Variants in FHIT observed in about 807,000 individuals in gnomAD.
FHIT encodes the protein fragile histidine triad diadenosine triphosphatase.
In FHIT, 19 loss-of-function variants were observed where a neutral mutation model predicts 17.9. The ratio of observed to expected loss-of-function variants is 1.06; its 90% confidence interval spans 0.74 to 1.56. The LOEUF (loss-of-function observed/expected upper bound fraction) is 1.56. Ranked by LOEUF, FHIT falls within the 40% of genes most tolerant of loss-of-function variation. The pLI, the probability that FHIT is intolerant of heterozygous loss-of-function variation, is 0.00. For synonymous variants in FHIT, 81 were observed against 69.7 expected (o/e 1.16, Z -0.81); for missense variants, 248 against 189.2 (o/e 1.31, Z -1.82).
intron 3 of FHIT, among the ~76,000 whole-genome samples, chr3:60,936,109 CT>C (rs1216780631): frequency 1.1e-4 from 17 of 152,138 alleles, no homozygotes; most frequent in African/African-American, 3.9e-4. Context: ...GTCAGGGTCC[CT>C]TGTCCAAACA....
chr3:60,884,298 G>A (rs9838678), intron 3 of FHIT, among the ~76,000 whole-genome samples: 36,143 of 151,996 alleles, frequency 0.24, 4,776 homozygotes, highest in African/African-American at 0.33. Flanking sequence ...TATGGAAAAC[G>A]GTATGGAGGT....
rs1410279342 is a variant in FHIT, at chr3:59,839,307, G to C, written c.348+83039C>G. On this transcript the variant is annotated intron_variant, in intron 8 of 9. Coordinates refer to ENST00000492590, the MANE Select transcript of FHIT (RefSeq NM_002012.4). ...CACTCCAACATGGGCAACAGAGCGA[G>C]ACTTCATTTTCAAAAAAAAAAAAAC... Among the ~76,000 whole-genome samples the C allele has an allele frequency of 1.1e-4, 13 of 118,646 alleles. No individual in the cohort carries two copies. In the Admixed American group the frequency reaches 1.3e-3, roughly 12 times the overall value. 77.8% of individuals were successfully genotyped at this position (118,646 alleles called of 152,430 possible).
At chr3:61,177,999 C>T (rs144079368) in intron 2 of FHIT, among the ~76,000 whole-genome samples, 109 of 152,180 alleles carry the variant, frequency 7.2e-4, no homozygotes, top group African/African-American at 2.6e-3. Context: ...TCCCATTGGT[C>T]TGGATGGTGT....
chr3:59,803,856 C>CA (rs1209666028), intron 8 of FHIT, among the ~76,000 whole-genome samples: 1 of 151,752 alleles, frequency 6.6e-6, no homozygotes, highest in African/African-American at 2.4e-5. Context: ...TAAAGAGGCA[C>CA]AAAAAACCCT....
intron 5 of FHIT, among the ~76,000 whole-genome samples, chr3:60,116,293 G>C (rs1234507903): frequency 1.3e-5 from 2 of 152,114 alleles, no homozygotes; most frequent in Non-Finnish European, 1.5e-5. Context: ...AGCCAGAAAG[G>C]CTTCCTGGAA....
intron 3 of FHIT, among the ~76,000 whole-genome samples, chr3:61,040,629 T>C (rs181836096): frequency 2.8e-4 from 43 of 152,346 alleles, no homozygotes; most frequent in Admixed American, 8.5e-4. Context: ...TGAAGGGATC[T>C]ACACAGAATG....
At chr3:60,077,737 G>T (rs9814126) in intron 5 of FHIT, among the ~76,000 whole-genome samples, 2,959 of 72,544 alleles carry the variant, frequency 0.041, 85 homozygotes, top group African/African-American at 0.13. Context: ...CACATATATA[G>T]AGGGGGGGGG....
rs1368186063 is a variant in FHIT, at chr3:60,860,555, AT to A, written c.-110-38545del. On this transcript the variant is annotated intron_variant, in intron 3 of 9. Coordinates refer to ENST00000492590, the MANE Select transcript of FHIT (RefSeq NM_002012.4). ...TATCAGGTATATATGATACATATGT[AT>A]CATATATCAGGTATATATGATACAT... Among the ~76,000 whole-genome samples the A allele has an allele frequency of 6.3e-3, 91 of 14,526 alleles. 1 individual carries two copies. The highest frequency in any genetic ancestry group is 0.013 in the Non-Finnish European group (37 of 2,762). 9.5% of individuals were successfully genotyped at this position (14,526 alleles called of 152,430 possible). A position where few individuals can be genotyped will look rare whatever the true frequency, so the allele number is the denominator to read the frequency against.
chr3:60,197,692 G>C (rs1702709258), intron 5 of FHIT, among the ~76,000 whole-genome samples: 1 of 152,142 alleles, frequency 6.6e-6, no homozygotes, highest in South Asian at 2.1e-4. Context: ...TAGTGGTAGA[G>C]GGGGTCAAAT....
At chr3:59,870,550 T>C (rs1033003056) in intron 8 of FHIT, among the ~76,000 whole-genome samples, 1 of 152,198 alleles carries the variant, frequency 6.6e-6, no homozygotes, top group Non-Finnish European at 1.5e-5. Context: ...GCAGTGGTGA[T>C]TGCTTTCTCA....
chr3:59,848,839 C>T (rs1029286505), intron 8 of FHIT, among the ~76,000 whole-genome samples: 3 of 152,172 alleles, frequency 2.0e-5, no homozygotes, highest in African/African-American at 7.2e-5. Context: ...CAATAAAACA[C>T]TTGGGGAAAA....
intron 4 of FHIT, among the ~76,000 whole-genome samples, chr3:60,718,291 C>T (rs978656397): frequency 2.0e-5 from 3 of 152,126 alleles, no homozygotes; most frequent in Admixed American, 2.0e-4. Context: ...AAAAATGACT[C>T]AATGTAAATG....
intron 5 of FHIT, among the ~76,000 whole-genome samples, chr3:60,048,887 C>T (rs1337902406): frequency 3.3e-5 from 5 of 152,122 alleles, no homozygotes; most frequent in African/African-American, 9.7e-5. Context: ...GATTGTGAAA[C>T]CATAATTTTG....
intron 3 of FHIT, among the ~76,000 whole-genome samples, chr3:60,825,831 T>C (rs1702091326): frequency 6.6e-6 from 1 of 152,086 alleles, no homozygotes; most frequent in South Asian, 2.1e-4. Context: ...CACATATATG[T>C]ATGTAAAAGT....
chr3:60,974,627 A>C (rs566267136), intron 3 of FHIT, among the ~76,000 whole-genome samples: 1 of 152,038 alleles, frequency 6.6e-6, no homozygotes, highest in South Asian at 2.1e-4. Flanking sequence ...AGTTCTTACT[A>C]ATATAGCTAT....
chr3:59,960,128 G>C (rs1038376578), intron 7 of FHIT, among the ~76,000 whole-genome samples: 3 of 152,108 alleles, frequency 2.0e-5, no homozygotes, highest in Non-Finnish European at 4.4e-5. Flanking sequence ...GAGGAAGACA[G>C]TGGGTGGAAG....
At chr3:60,355,175 T>A (rs77568364) in intron 5 of FHIT, among the ~76,000 whole-genome samples, 1 of 152,142 alleles carries the variant, frequency 6.6e-6, no homozygotes, top group African/African-American at 2.4e-5. Flanking sequence ...TGTTGTAACC[T>A]CCACTCGTCA....
rs139813712 is a variant in FHIT, at chr3:60,158,608, G to A, written c.104-144456C>T. Among the ~76,000 whole-genome samples, 218 of 152,176 alleles carry A rather than the reference G, an allele frequency of 1.4e-3. 2 individuals are homozygous for A. The highest frequency in any genetic ancestry group is 0.011 in the South Asian group (52 of 4,824). On this transcript the variant is annotated intron_variant, in intron 5 of 9. Transcript: ENST00000492590. ...ATTACAGGCGTAAGCCACCGCGCCC[G>A]GCCTCATACTTTCTCTAAGCGCAGA...
intron 4 of FHIT, among the ~76,000 whole-genome samples, chr3:60,765,192 G>A (rs1699806992): frequency 6.6e-6 from 1 of 152,138 alleles, no homozygotes; most frequent in Non-Finnish European, 1.5e-5. Context: ...TCAAGTGAGG[G>A]GCAGCACTAA....
Sources: allele counts gnomAD v4.1 joint callset (sites outside exome capture counted in the v4.1 genomes callset), GRCh38; gene constraint gnomAD v4.1.1; transcripts MANE v1.5; gene names NCBI Gene and HGNC (gene_info 2026-07-23, HGNC 2026-07-21).